Variants in NUCB2 observed in about 807,000 individuals in gnomAD.
NUCB2 encodes nucleobindin-2.
Under a neutral mutation model 57.9 loss-of-function variants are expected in NUCB2, and 48 were observed. The ratio of observed to expected loss-of-function variants is 0.83; its 90% CI spans 0.66 to 1.05. The LOEUF (loss-of-function observed/expected upper bound fraction) is 1.05, where lower values mean the gene tolerates loss of function less well. Ranked by LOEUF, NUCB2 falls within the 50% of genes least tolerant of loss-of-function variation. The probability of loss-of-function intolerance (pLI) is 0.00; values close to 1 mark genes in which losing one functional copy is unlikely to be tolerated. For synonymous variants in NUCB2, 139 were observed against 152.1 expected (o/e 0.91, Z 0.64); for missense variants, 442 against 476.2 (o/e 0.93, Z 0.67).
downstream of NUCB2, among the ~76,000 whole-genome samples, chr11:17,336,614 C>A (rs936325753): frequency 6.6e-6 from 1 of 151,184 alleles, no homozygotes; most frequent in East Asian, 2.0e-4. Context: ...ATTAGCCGGG[C>A]GTGGTGGCGG....
At chr11:17,301,472 A>G (rs985424597) in intron 4 of NUCB2, among the ~76,000 whole-genome samples, 5 of 138,484 alleles carry the variant, frequency 3.6e-5, no homozygotes, top group African/African-American at 1.4e-4. Flanking sequence ...TAGAGACGGT[A>G]TTTCGCCAGG....
chr11:17,304,451 C>T (rs1255666042), intron 5 of NUCB2, among the ~76,000 whole-genome samples: 1 of 152,080 alleles, frequency 6.6e-6, no homozygotes, highest in Non-Finnish European at 1.5e-5. Context: ...GCCTTGGCCT[C>T]CCAAAATGCT....
chr11:17,349,507 A>C (rs1953045370), exon 3 of NUCB2: 1 of 152,224 alleles, frequency 6.6e-6, no homozygotes, highest in African/African-American at 2.4e-5. Flanking sequence ...TGCTGTCAGA[A>C]AGAAGGAAGG....
rs528553812 is a variant in NUCB2, at chr11:17,288,314, A to G, written c.-1+5371A>G. Among the ~76,000 whole-genome samples the G allele has an allele frequency of 9.4e-4, 143 of 152,190 alleles. 1 individual carries two copies. The highest frequency in any genetic ancestry group is 3.1e-3 in the African/African-American group (129 of 41,532). ...AGCATTTTTTTCTATATAGTATACA[A>G]TGGTGTGTCTTAATATCGATGGAAT... On this transcript the variant is annotated intron_variant, in intron 2 of 13. Coordinates refer to ENST00000529010, the MANE Select transcript of NUCB2 (RefSeq NM_005013.4).
chr11:17,315,929 CAT>C, intron 11 of NUCB2, among the ~76,000 whole-genome samples: 1 of 152,064 alleles, frequency 6.6e-6, no homozygotes, highest in African/African-American at 2.4e-5. Flanking sequence ...CACACATATA[CAT>C]ATATTCATAT....
intron 4 of NUCB2, among the ~76,000 whole-genome samples, chr11:17,300,622 A>G (rs1472184276): frequency 1.3e-5 from 2 of 152,258 alleles, no homozygotes; most frequent in African/African-American, 2.4e-5. Flanking sequence ...TTTTATGGCC[A>G]AACAATATGC....
intron 2 of NUCB2, among the ~76,000 whole-genome samples, chr11:17,289,199 C>T (rs925217786): frequency 6.6e-6 from 1 of 152,064 alleles, no homozygotes; most frequent in Non-Finnish European, 1.5e-5. Context: ...CTCAACCAAT[C>T]TGCCTGCCTT....
chr11:17,278,337 A>C (rs1941805921), intron 1 of NUCB2: 1 of 151,864 alleles, frequency 6.6e-6, no homozygotes, highest in Admixed American at 6.6e-5. Context: ...CACCACAGCC[A>C]GCTAATTTTT....
chr11:17,288,880 T>TACACACACACAC lies in NUCB2; in HGVS notation c.-1+5938_-1+5939insCACACACACACA, dbSNP rs775443519. The stretch of plus-strand genomic sequence containing the variant: ...CTTAAAGTCTATTTAATAACATGTA[T>TACACACACACAC]ATACACACACACACACACACACACA... On this transcript the variant is annotated intron_variant, in intron 2 of 13. Coordinates refer to ENST00000529010, the MANE Select transcript of NUCB2 (RefSeq NM_005013.4). 6.8e-4 allele frequency among the ~76,000 whole-genome samples: 46 copies of TACACACACACAC among 67,528 alleles called. 10 individuals carry two copies. The highest frequency in any genetic ancestry group is 1.1e-3 in the Non-Finnish European group (37 of 34,692). The allele number at this position is 67,528 out of a possible 152,430, so 44.3% of individuals were successfully genotyped here.
chr11:17,315,500 A>C (rs773537566), intron 11 of NUCB2, 25 bp downstream of exon 11: 96 of 1,395,440 alleles, frequency 6.9e-5, no homozygotes, highest in Non-Finnish European at 9.5e-5. Context: ...TCTAAATGAG[A>C]TGTATGGTTC....
chr11:17,345,965 A>G (rs1477900797), intron 2 of NUCB2, among the ~76,000 whole-genome samples: 2 of 152,150 alleles, frequency 1.3e-5, no homozygotes, highest in South Asian at 2.1e-4. Flanking sequence ...TTCCAGTGCA[A>G]TATTTTTTGG....
At chr11:17,306,906 C>T (rs1161215015) in intron 5 of NUCB2, among the ~76,000 whole-genome samples, 7 of 143,202 alleles carry the variant, frequency 4.9e-5, no homozygotes, top group African/African-American at 1.0e-4. Context: ...AGTGAGACTC[C>T]GTCTCAAAAA....
At position 17,296,196 on chromosome 11, in the gene NUCB2, C is replaced by A; in HGVS notation, c.237C>A (p.Asp79Glu). 1 of 1,601,766 alleles carries A rather than the reference C, an allele frequency of 6.2e-7. No homozygotes were observed. The highest frequency in any genetic ancestry group is 8.5e-7 in the Non-Finnish European group (1 of 1,170,962). Residue 79 changes from aspartate (D) to glutamate (E), a missense_variant, in exon 4 of 14, where the codon GAC (aspartate) becomes GAA (glutamate). By Grantham distance (45) the Asp-to-Glu change is conservative. Transcript: ENST00000529010. Reference protein sequence around the residue: ...KHFREKLQKADIEEIKSGRLS... With the variant: ...KHFREKLQKAEIEEIKSGRLS... Reference sequence around the variant, plus strand: ...TCAGAGAAAAGCTCCAGAAAGCAGACATAGAGGAAATAAAGGTAAATGCAA... The same window carrying A: ...TCAGAGAAAAGCTCCAGAAAGCAGAAATAGAGGAAATAAAGGTAAATGCAA...
chr11:17,308,667 A>G (rs1265072028), intron 5 of NUCB2, among the ~76,000 whole-genome samples: 1 of 152,228 alleles, frequency 6.6e-6, no homozygotes, highest in African/African-American at 2.4e-5. Flanking sequence ...TGTGTCCACT[A>G]TGTAATACAA....
At chr11:17,320,222 C>T (rs1166596035) in intron 11 of NUCB2, among the ~76,000 whole-genome samples, 2 of 152,224 alleles carry the variant, frequency 1.3e-5, no homozygotes, top group South Asian at 2.1e-4. Flanking sequence ...TTGATTTCAA[C>T]TTAGCATTCT....
At chr11:17,282,236 C>CTG (rs1942768302) in intron 1 of NUCB2, among the ~76,000 whole-genome samples, 10 of 104,102 alleles carry the variant, frequency 9.6e-5, no homozygotes, top group South Asian at 3.3e-4. Context: ...ATCTATCTAT[C>CTG]TATATATATA....
intron 2 of NUCB2, among the ~76,000 whole-genome samples, chr11:17,346,140 C>T (rs1186821693): frequency 6.6e-6 from 1 of 152,090 alleles, no homozygotes; most frequent in Admixed American, 6.5e-5. Context: ...GTCATAGAGC[C>T]TGAGTAAGGG....
chr11:17,280,902 G>A (rs539903172), intron 1 of NUCB2, among the ~76,000 whole-genome samples: 48 of 152,222 alleles, frequency 3.2e-4, no homozygotes, highest in African/African-American at 5.3e-4. Context: ...CTAGCTGGGC[G>A]TGGTGGTGCG....
intron 2 of NUCB2, among the ~76,000 whole-genome samples, chr11:17,285,520 T>C (rs1447547241): frequency 4.7e-5 from 7 of 149,652 alleles, no homozygotes. Context: ...GAGGTTGCAG[T>C]GAGCTGAGAT....
Sources: allele counts gnomAD v4.1 joint callset (sites outside exome capture counted in the v4.1 genomes callset), GRCh38; gene constraint gnomAD v4.1.1; transcripts MANE v1.5; gene names NCBI Gene and HGNC (gene_info 2026-07-23, HGNC 2026-07-21).